PRKAR1B: variants seen among roughly 807,000 people sequenced by gnomAD.
PRKAR1B encodes protein kinase cAMP-dependent type I regulatory subunit beta.
A neutral mutation model predicts 46.5 loss-of-function variants in PRKAR1B; 22 were observed. The ratio of observed to expected loss-of-function variants is 0.47; its 90% CI spans 0.34 to 0.68. The LOEUF (loss-of-function observed/expected upper bound fraction) is 0.68. Ranked by LOEUF, PRKAR1B falls within the 30% of genes least tolerant of loss-of-function variation. The pLI is 0.01. For missense variants in PRKAR1B, 445 were observed against 535.6 expected (o/e 0.83, Z 1.67); for synonymous variants, 259 against 217.7 (o/e 1.19, Z -1.67).
chr7:608,758 T>G (rs111897169), intron 4 of PRKAR1B, among the ~76,000 whole-genome samples: 16 of 91,428 alleles, frequency 1.8e-4, no homozygotes, highest in African/African-American at 7.8e-4. Context: ...TAGGGAAGGC[T>G]GGGGGGCCTC....
chr7:575,946 C>T (rs562020357), intron 9 of PRKAR1B, among the ~76,000 whole-genome samples: 41 of 151,908 alleles, frequency 2.7e-4, no homozygotes, highest in Non-Finnish European at 4.6e-4. Flanking sequence ...GCGAACATGA[C>T]GCTGGCATCC....
At chr7:600,559 A>C (rs1383219894) in intron 6 of PRKAR1B, among the ~76,000 whole-genome samples, 1 of 152,272 alleles carries the variant, frequency 6.6e-6, no homozygotes, top group African/African-American at 2.4e-5. Context: ...ACATCTGATC[A>C]GATCACCAAG....
chr7:688,462 T>A (rs1032691878), intron 2 of PRKAR1B, among the ~76,000 whole-genome samples: 2 of 150,758 alleles, frequency 1.3e-5, no homozygotes, highest in Non-Finnish European at 3.0e-5. Flanking sequence ...AACCCTCCAA[T>A]GGCCTCCGAT....
intron 9 of PRKAR1B, among the ~76,000 whole-genome samples, chr7:573,875 G>C (rs1328123476): frequency 2.0e-5 from 3 of 152,178 alleles, no homozygotes; most frequent in Non-Finnish European, 4.4e-5. Flanking sequence ...CCTGTCCTCA[G>C]CCGATGACCC....
intron 9 of PRKAR1B, among the ~76,000 whole-genome samples, chr7:563,292 G>A (rs944379540): frequency 3.9e-5 from 6 of 152,194 alleles, no homozygotes; most frequent in Non-Finnish European, 8.8e-5. Flanking sequence ...CCCCCTCCAC[G>A]GGATACCCCA....
chr7:599,786 G>GGAGTGTGTAATGTGGACAGAGCTT lies in PRKAR1B; in HGVS notation c.550-3483_550-3482insAAGCTCTGTCCACATTACACACTC, dbSNP rs1277804242. On this transcript the variant is annotated intron_variant, in intron 6 of 10. Coordinates refer to ENST00000537384, the MANE Select transcript of PRKAR1B (RefSeq NM_001164760.2). ...GGAGCTGGGGGAGGCACATGGGCAG[G>GGAGTGTGTAATGTGGACAGAGCTT]CCCCCCATTCACCTTCACTCGCTCA... Among the ~76,000 whole-genome samples, 152 of 149,842 alleles carry GGAGTGTGTAATGTGGACAGAGCTT rather than the reference G, an allele frequency of 1.0e-3. 4 individuals carry two copies. The highest frequency in any genetic ancestry group is 1.2e-3 in the Non-Finnish European group (78 of 67,086).
intron 2 of PRKAR1B, among the ~76,000 whole-genome samples, chr7:704,514 G>A (rs559811187): frequency 7.2e-5 from 11 of 152,292 alleles, no homozygotes; most frequent in East Asian, 1.9e-4. Context: ...GGTGGCTCAC[G>A]CCTGTAATCC....
chr7:681,323 T>TAA (rs1159377371), intron 2 of PRKAR1B, among the ~76,000 whole-genome samples: 1,756 of 114,228 alleles, frequency 0.015, 26 homozygotes, highest in East Asian at 0.11. Flanking sequence ...CCTGTCTCTA[T>TAA]AAAAAAAAAA....
chr7:630,546 T>G lies in PRKAR1B; in HGVS notation c.441-23094A>C, dbSNP rs570131400. Among the ~76,000 whole-genome samples the G allele has an allele frequency of 8.1e-4, 124 of 152,294 alleles. 1 individual carries two copies. Among genetic ancestry groups the G allele is most frequent in the Non-Finnish European group, 1.1e-3 (73 of 68,012 alleles). On this transcript the variant is annotated intron_variant, in intron 4 of 10. Transcript: ENST00000537384. Reference sequence around the variant, plus strand: ...AACTCAGATGCACTTGATTTTGTTATTATTGTTTTAATTTGGTCTGAACCT... The same window carrying G: ...AACTCAGATGCACTTGATTTTGTTAGTATTGTTTTAATTTGGTCTGAACCT...
intron 2 of PRKAR1B, among the ~76,000 whole-genome samples, chr7:697,640 G>A (rs1196776114): frequency 6.6e-6 from 1 of 151,930 alleles, no homozygotes; most frequent in East Asian, 2.0e-4. Flanking sequence ...TCCAGGAGAG[G>A]GCTCACATGG....
chr7:614,376 C>T (rs771538632), intron 4 of PRKAR1B, among the ~76,000 whole-genome samples: 7 of 152,210 alleles, frequency 4.6e-5, no homozygotes, highest in Non-Finnish European at 1.0e-4. Context: ...GAGAACGCCC[C>T]GTTTACATCC....
chr7:579,923 C>G (rs972425734), intron 8 of PRKAR1B, among the ~76,000 whole-genome samples: 1 of 151,820 alleles, frequency 6.6e-6, no homozygotes, highest in African/African-American at 2.4e-5. Flanking sequence ...ATAATGAGAC[C>G]CCATCTCTAC....
chr7:563,871 G>T (rs999954428), intron 9 of PRKAR1B, among the ~76,000 whole-genome samples: 1 of 151,662 alleles, frequency 6.6e-6, no homozygotes, highest in Non-Finnish European at 1.5e-5. Flanking sequence ...GGTGTGCATG[G>T]GTTGTGGGTG....
chr7:675,868 C>T (rs1487790327), intron 4 of PRKAR1B, among the ~76,000 whole-genome samples: 1 of 152,092 alleles, frequency 6.6e-6, no homozygotes. Context: ...ATCGCTTGAA[C>T]CCAGGTGGCG....
chr7:617,798 C>T (rs145790319), intron 4 of PRKAR1B, among the ~76,000 whole-genome samples: 2,931 of 152,296 alleles, frequency 0.019, 112 homozygotes, highest in African/African-American at 0.067. Context: ...CGTGGCAGGT[C>T]GGACGGAAAG....
chr7:556,995 G>A (rs771549429), intron 9 of PRKAR1B, among the ~76,000 whole-genome samples: 2 of 152,208 alleles, frequency 1.3e-5, no homozygotes, highest in South Asian at 2.1e-4. Context: ...TCCCACAGCC[G>A]ACCCCCACCT....
chr7:584,602 G>A, intron 7 of PRKAR1B, 34 bp from the exon 8 acceptor site: 2 of 1,572,990 alleles, frequency 1.3e-6, no homozygotes, highest in East Asian at 2.2e-5. Context: ...AGACAAGAAG[G>A]TGAATCTTCA....
chr7:579,361 C>T lies in PRKAR1B; in HGVS notation c.786G>A (p.Trp262Ter), dbSNP rs1289462089. ...GCGCATCCGCCACGGTCAGACGCTC[C>T]CACTTCTCCAGGGACTCTGTCGGGG... Reference protein sequence around the residue: ...KVSILESLEKWERLTVADALE... With the variant: ...KVSILESLEK The change falls in exon 9 of 11, where the codon TGG becomes TGA. Residue 262 changes from tryptophan (W) to a stop codon, truncating the protein, a stop_gained. Transcript: ENST00000537384. LOFTEE classifies it high-confidence loss of function. 1.2e-6 allele frequency: 2 copies of T among 1,613,982 alleles called. No homozygotes were observed. The highest frequency in any genetic ancestry group is 1.7e-6 in the Non-Finnish European group (2 of 1,180,046).
chr7:682,908 A>G (rs1778775375), intron 2 of PRKAR1B, among the ~76,000 whole-genome samples: 2 of 151,948 alleles, frequency 1.3e-5, no homozygotes, highest in African/African-American at 4.8e-5. Flanking sequence ...AACCCCTCAC[A>G]CAGATCAGGC....
Sources: gnomAD v4.1 joint callset for allele counts (sites outside exome capture counted in the v4.1 genomes callset) on GRCh38, gnomAD v4.1.1 for gene constraint, MANE v1.5 for transcripts, NCBI Gene and HGNC (gene_info 2026-07-23, HGNC 2026-07-21) for gene names.